The following LRMDA variants were observed in gnomAD, a reference collection of about 807,000 sequenced individuals.
LRMDA encodes the protein leucine rich melanocyte differentiation associated, also known as leucine-rich melanocyte differentiation-associated protein.
LRMDA carries 18 observed loss-of-function variants against 29.8 expected under a neutral mutation model. That is an observed-to-expected ratio of 0.60 (90% confidence interval 0.42 to 0.90). LRMDA has a LOEUF of 0.90. Ranked by LOEUF, LRMDA falls within the 40% of genes least tolerant of loss-of-function variation. The pLI, the probability that LRMDA is intolerant of heterozygous loss-of-function variation, is 0.00. For missense variants in LRMDA, 273 were observed against 273.9 expected (o/e 1.00, Z 0.02); for synonymous variants, 125 against 109.4 (o/e 1.14, Z -0.89).
intron 2 of LRMDA, among the ~76,000 whole-genome samples, chr10:75,445,265 CAA>C (rs1844379056): frequency 6.6e-6 from 1 of 152,126 alleles, no homozygotes; most frequent in Admixed American, 6.5e-5. Context: ...AAAGGTTTCT[CAA>C]GTCTTTCCTT....
At chr10:76,378,610 CTG>C (rs1219762663) in intron 6 of LRMDA, among the ~76,000 whole-genome samples, 3 of 151,792 alleles carry the variant, frequency 2.0e-5, no homozygotes, top group African/African-American at 4.8e-5. Context: ...ATTTTATTGA[CTG>C]TTTTTTTTCT....
intron 5 of LRMDA, among the ~76,000 whole-genome samples, chr10:76,174,697 G>A (rs1009911614): frequency 6.6e-6 from 1 of 152,178 alleles, no homozygotes; most frequent in East Asian, 1.9e-4. Context: ...AGGACCCAGC[G>A]ACCCTCAGAA....
At position 75,976,519 on chromosome 10, in the gene LRMDA, G is replaced by A. The variant is rs546468545; in HGVS notation, c.132-59489G>A. On this transcript the variant is annotated intron_variant, in intron 2 of 6. Transcript: ENST00000611255. ...CCCCAGTAGAGTATAAACTCCATGA[G>A]CCAGGGCCTTCACCTACCTTGTTCT... Among the ~76,000 whole-genome samples the A allele has an allele frequency of 3.3e-5, 5 of 152,320 alleles. No individual in the cohort carries two copies. In the South Asian group the frequency reaches 6.2e-4, roughly 19 times the overall value.
intron 6 of LRMDA, among the ~76,000 whole-genome samples, chr10:76,345,853 T>TA (rs768632796): frequency 6.6e-6 from 1 of 152,146 alleles, no homozygotes; most frequent in Non-Finnish European, 1.5e-5. Context: ...GTAAAATACA[T>TA]ACAAAAATTA....
chr10:76,456,751 A>G (rs1000758772), intron 6 of LRMDA, among the ~76,000 whole-genome samples: 6 of 151,894 alleles, frequency 4.0e-5, no homozygotes, highest in Non-Finnish European at 8.8e-5. Flanking sequence ...TGATGTGCCC[A>G]GCCTGTCCTT....
intron 2 of LRMDA, among the ~76,000 whole-genome samples, chr10:75,811,580 C>G (rs2132271923): frequency 6.6e-6 from 1 of 152,318 alleles, no homozygotes; most frequent in South Asian, 2.1e-4. Flanking sequence ...AGAGATGTTA[C>G]TTCAACAATC....
intron 2 of LRMDA, among the ~76,000 whole-genome samples, chr10:75,673,255 G>A (rs767542631): frequency 1.3e-5 from 2 of 152,166 alleles, no homozygotes; most frequent in Non-Finnish European, 2.9e-5. Flanking sequence ...TGTCACCCAA[G>A]CCTCCTTATC....
chr10:76,431,843 G>A (rs1039611055), intron 6 of LRMDA, among the ~76,000 whole-genome samples: 2 of 152,162 alleles, frequency 1.3e-5, no homozygotes, highest in African/African-American at 2.4e-5. Flanking sequence ...ACATGATAGC[G>A]AATAAGTTTC....
At chr10:76,128,158 C>G (rs1309917552) in intron 5 of LRMDA, among the ~76,000 whole-genome samples, 2 of 152,134 alleles carry the variant, frequency 1.3e-5, no homozygotes, top group African/African-American at 4.8e-5. Flanking sequence ...AATTCAGGTT[C>G]TAGATGGTAA....
At chr10:76,244,544 C>T (rs939881267) in intron 5 of LRMDA, among the ~76,000 whole-genome samples, 3 of 152,204 alleles carry the variant, frequency 2.0e-5, no homozygotes, top group African/African-American at 7.2e-5. Context: ...TTGAATGCAG[C>T]CCTATAGAGA....
At chr10:75,793,147 C>T (rs1442146857) in intron 2 of LRMDA, among the ~76,000 whole-genome samples, 1 of 152,198 alleles carries the variant, frequency 6.6e-6, no homozygotes, top group Admixed American at 6.5e-5. Flanking sequence ...ATAAGCTATA[C>T]TCCATCTTCT....
At chr10:75,760,291 T>A (rs1425392764) in intron 2 of LRMDA, among the ~76,000 whole-genome samples, 1 of 152,172 alleles carries the variant, frequency 6.6e-6, no homozygotes, top group Admixed American at 6.5e-5. Context: ...CAAGTCAGAA[T>A]GCACTTAAGT....
intron 5 of LRMDA, among the ~76,000 whole-genome samples, chr10:76,257,544 G>A (rs1013802942): frequency 1.8e-4 from 28 of 151,944 alleles, no homozygotes; most frequent in African/African-American, 6.5e-4. Context: ...ATGTTGGCCA[G>A]GCTGGTCTCG....
intron 4 of LRMDA, among the ~76,000 whole-genome samples, chr10:76,051,615 A>C (rs1229933603): frequency 6.6e-6 from 1 of 152,226 alleles, no homozygotes; most frequent in African/African-American, 2.4e-5. Context: ...TTGGAATAAC[A>C]AGAAAGGACG....
chr10:75,728,511 C>T (rs943681533), intron 2 of LRMDA, among the ~76,000 whole-genome samples: 2 of 148,874 alleles, frequency 1.3e-5, no homozygotes, highest in Admixed American at 6.7e-5. Flanking sequence ...CACTGGAAAA[C>T]GTGGTCCACA....
chr10:75,926,652 C>T (rs1000957236), intron 2 of LRMDA, among the ~76,000 whole-genome samples: 3 of 152,172 alleles, frequency 2.0e-5, no homozygotes, highest in Admixed American at 1.3e-4. Flanking sequence ...GGATTGCTCC[C>T]GTGTTCTTCA....
chr10:76,260,141 T>C (rs927941312), intron 5 of LRMDA, among the ~76,000 whole-genome samples: 4 of 152,182 alleles, frequency 2.6e-5, no homozygotes, highest in South Asian at 4.1e-4. Context: ...CCTGGTTGTT[T>C]GGTATATTTT....
intron 6 of LRMDA, among the ~76,000 whole-genome samples, chr10:76,555,048 C>T (rs1238979473): frequency 6.6e-6 from 1 of 152,048 alleles, no homozygotes; most frequent in African/African-American, 2.4e-5. Flanking sequence ...CCCATGCTTC[C>T]ACATTCTTCA....
intron 2 of LRMDA, chr10:75,642,902 C>T (rs1437498342): frequency 2.0e-5 from 3 of 152,110 alleles, no homozygotes; most frequent in South Asian, 4.1e-4. Flanking sequence ...ATGTCATAAG[C>T]ACATGTATTG....
Sources: allele counts gnomAD v4.1 joint callset (sites outside exome capture counted in the v4.1 genomes callset), GRCh38; gene constraint gnomAD v4.1.1; transcripts MANE v1.5; gene names NCBI Gene and HGNC (gene_info 2026-07-23, HGNC 2026-07-21).